Variants in SGIP1 observed in about 807,000 individuals in gnomAD.
SGIP1 encodes SH3GL interacting endocytic adaptor 1.
SGIP1 carries 38 observed loss-of-function variants against 107.5 expected under a neutral mutation model. The observed-to-expected ratio is 0.35, with a 90% confidence interval of 0.27 to 0.46. SGIP1 has a LOEUF of 0.46. SGIP1 is among the 20% of genes least tolerant of loss of function. The pLI is 1.00. For synonymous variants in SGIP1, 365 were observed against 366.1 expected (o/e 1.00, Z 0.03); for missense variants, 929 against 1,019.5 (o/e 0.91, Z 1.21).
chr1:66,549,535 A>G (rs960996561), intron 1 of SGIP1, among the ~76,000 whole-genome samples: 1 of 152,184 alleles, frequency 6.6e-6, no homozygotes, highest in South Asian at 2.1e-4. Flanking sequence ...AAATGACACT[A>G]TGTGTGTGTA....
At chr1:66,711,099 A>G (rs2092885977) in intron 18 of SGIP1, among the ~76,000 whole-genome samples, 1 of 152,182 alleles carries the variant, frequency 6.6e-6, no homozygotes. Context: ...TGTAGCTTAA[A>G]CTTTGTTAAT....
chr1:66,577,361 T>C (rs2061208323), intron 1 of SGIP1, among the ~76,000 whole-genome samples: 1 of 152,190 alleles, frequency 6.6e-6, no homozygotes, highest in African/African-American at 2.4e-5. Context: ...AGAATGTTTG[T>C]TGTTTATAGA....
chr1:66,728,554 A>G (rs563579921), intron 19 of SGIP1, among the ~76,000 whole-genome samples: 78 of 152,332 alleles, frequency 5.1e-4, no homozygotes, highest in African/African-American at 7.0e-4. Context: ...TGATTCCTCA[A>G]AGAACTAAAA....
At chr1:66,656,708 G>A (rs567206293) in intron 7 of SGIP1, among the ~76,000 whole-genome samples, 1 of 152,190 alleles carries the variant, frequency 6.6e-6, no homozygotes, top group East Asian at 1.9e-4. Context: ...CTTTTCTGTT[G>A]TTCACTAATG....
rs527949565 is a variant in SGIP1 at position 66,749,648 on chromosome 1, T to A, written c.*6553T>A. Among the ~76,000 whole-genome samples the A allele has an allele frequency of 1.3e-5, 2 of 152,104 alleles. No individual in the cohort carries two copies. Among genetic ancestry groups the A allele is most frequent in the Non-Finnish European group, 1.5e-5 (1 of 67,940 alleles). ...ATCCAGAGTTTGTGAATCAGCCTGATAGATCATAAGCCATTTATAATTTTT... is the reference window on the plus strand; with the variant it reads ...ATCCAGAGTTTGTGAATCAGCCTGAAAGATCATAAGCCATTTATAATTTTT... On this transcript the variant is annotated 3_prime_UTR_variant, in exon 25 of 25. Coordinates refer to ENST00000371037, the MANE Select transcript of SGIP1 (RefSeq NM_032291.4).
chr1:66,653,881 T>C (rs951145036), intron 7 of SGIP1, among the ~76,000 whole-genome samples: 1 of 152,212 alleles, frequency 6.6e-6, no homozygotes, highest in African/African-American at 2.4e-5. Context: ...ATAGTCAGGG[T>C]AGAATGTGCT....
At chr1:66,638,325 G>A (rs991416055) in intron 4 of SGIP1, among the ~76,000 whole-genome samples, 1 of 152,118 alleles carries the variant, frequency 6.6e-6, no homozygotes, top group Non-Finnish European at 1.5e-5. Flanking sequence ...GCTTCGTAAC[G>A]TACACATAGG....
chr1:66,556,720 C>T (rs966229943), intron 1 of SGIP1, among the ~76,000 whole-genome samples: 13 of 150,738 alleles, frequency 8.6e-5, no homozygotes, highest in Admixed American at 4.0e-4. Flanking sequence ...TTCAAATGAG[C>T]GTGGAGATCA....
intron 7 of SGIP1, among the ~76,000 whole-genome samples, chr1:66,659,442 A>G (rs2080439493): frequency 6.6e-6 from 1 of 152,194 alleles, no homozygotes; most frequent in Admixed American, 6.5e-5. Context: ...TTGGGAGATG[A>G]TAGGTTCTGG....
chr1:66,580,438 C>A (rs952321789), intron 1 of SGIP1, among the ~76,000 whole-genome samples: 29 of 152,138 alleles, frequency 1.9e-4, no homozygotes, highest in Admixed American at 1.5e-3. Context: ...CTTTCTTGAG[C>A]ATACCACCTA....
intron 1 of SGIP1, among the ~76,000 whole-genome samples, chr1:66,602,429 T>C (rs6689864): frequency 0.69 from 105,387 of 151,960 alleles, 38,274 homozygotes; most frequent in East Asian, 1. Flanking sequence ...GTGACCATGA[T>C]GGGTAATTTC....
chr1:66,637,607 C>G (rs529686103), intron 4 of SGIP1, among the ~76,000 whole-genome samples: 2 of 151,686 alleles, frequency 1.3e-5, no homozygotes, highest in East Asian at 3.9e-4. Flanking sequence ...TTCCCTTTAT[C>G]TCAATCTTCC....
intron 7 of SGIP1, among the ~76,000 whole-genome samples, chr1:66,644,582 C>T (rs2077345008): frequency 6.6e-6 from 1 of 152,034 alleles, no homozygotes; most frequent in Non-Finnish European, 1.5e-5. Flanking sequence ...GTACAGCATT[C>T]CCCCTGAACA....
intron 1 of SGIP1, among the ~76,000 whole-genome samples, chr1:66,579,596 C>T (rs1367100635): frequency 6.6e-6 from 1 of 152,170 alleles, no homozygotes; most frequent in Non-Finnish European, 1.5e-5. Context: ...TTAACATGTT[C>T]TGTTTCAGTT....
intron 18 of SGIP1, among the ~76,000 whole-genome samples, chr1:66,710,150 TA>T (rs2092814800): frequency 6.6e-6 from 1 of 152,112 alleles, no homozygotes; most frequent in African/African-American, 2.4e-5. Flanking sequence ...TTTGCTATCA[TA>T]AAAAGTAACT....
chr1:66,726,369 A>C (rs1172641372), intron 19 of SGIP1, among the ~76,000 whole-genome samples: 2 of 152,212 alleles, frequency 1.3e-5, no homozygotes, highest in Non-Finnish European at 2.9e-5. Context: ...TTTTATATAG[A>C]CATTGACACG....
At chr1:66,549,816 G>C (rs2057118377) in intron 1 of SGIP1, among the ~76,000 whole-genome samples, 1 of 151,962 alleles carries the variant, frequency 6.6e-6, no homozygotes, top group African/African-American at 2.4e-5. Context: ...CAGTTTCTGG[G>C]GCTACACACT....
At chr1:66,715,370 T>C (rs559237505) in intron 18 of SGIP1, among the ~76,000 whole-genome samples, 5 of 152,218 alleles carry the variant, frequency 3.3e-5, no homozygotes, top group Admixed American at 2.6e-4. Context: ...CTTTAAATGT[T>C]TGTTGTTTTC....
chr1:66,621,042 C>T (rs972140917), intron 1 of SGIP1, among the ~76,000 whole-genome samples: 1 of 152,134 alleles, frequency 6.6e-6, no homozygotes, highest in Non-Finnish European at 1.5e-5. Flanking sequence ...TCATGGAGCT[C>T]ACCATCTAGT....
Sources: allele counts gnomAD v4.1 joint callset (sites outside exome capture counted in the v4.1 genomes callset), GRCh38; gene constraint gnomAD v4.1.1; transcripts MANE v1.5; gene names NCBI Gene and HGNC (gene_info 2026-07-23, HGNC 2026-07-21).